Variants in ABCB11 observed in about 807,000 individuals in gnomAD.
ABCB11 encodes bile salt export pump.
In ABCB11, 95 loss-of-function variants were observed where a neutral mutation model predicts 148.0. That is an observed-to-expected ratio of 0.64 (90% CI 0.54 to 0.76). The LOEUF is 0.76. Among genes scored for constraint, ABCB11 ranks in the 30% least tolerant of loss-of-function variants. The pLI, the probability that ABCB11 is intolerant of heterozygous loss-of-function variation, is 0.00. For synonymous variants in ABCB11, 591 were observed against 555.4 expected, an observed-to-expected ratio of 1.06 and a Z score of -0.90; for missense variants, 1,523 against 1,617.8, an observed-to-expected ratio of 0.94 and a Z score of 1.01.
intron 9 of ABCB11, 151 bp downstream of exon 9, chr2:168,990,650 C>G: frequency 1.1e-6 from 1 of 948,776 alleles, no homozygotes; most frequent in East Asian, 2.5e-5. Context: ...AATTACCAAC[C>G]TAAATTACTC....
In ABCB11 at chr2:168,959,159, T is replaced by C. The variant is rs186460054; in HGVS notation, c.2179-1031A>G. Among the ~76,000 whole-genome samples the C allele has an allele frequency of 5.9e-5, 9 of 151,834 alleles. No homozygotes were observed. The East Asian group carries it at 1.8e-3, about 30-fold the overall frequency. Reference sequence around the variant, plus strand: ...CATTCATTTTAAATGAAAGTCTGTGTCATGTCCATTTCATTACAGTTGCAA... The same window carrying C: ...CATTCATTTTAAATGAAAGTCTGTGCCATGTCCATTTCATTACAGTTGCAA... On this transcript the variant is annotated intron_variant, in intron 18 of 27. Coordinates refer to ENST00000650372, the MANE Select transcript of ABCB11 (RefSeq NM_003742.4).
intron 19 of ABCB11, among the ~76,000 whole-genome samples, chr2:168,957,679 A>G (rs1692858627): frequency 6.6e-6 from 1 of 151,690 alleles, no homozygotes; most frequent in Non-Finnish European, 1.5e-5. Context: ...GATATACATT[A>G]CTAGAAAAAT....
chr2:168,948,164 T>C (rs1219235159), intron 19 of ABCB11, among the ~76,000 whole-genome samples: 1 of 151,618 alleles, frequency 6.6e-6, no homozygotes, highest in Non-Finnish European at 1.5e-5. Context: ...ATATGCACAG[T>C]TTAGGTGGAG....
chr2:169,010,115 C>T (rs1695137565), intron 5 of ABCB11, among the ~76,000 whole-genome samples: 1 of 152,146 alleles, frequency 6.6e-6, no homozygotes, highest in African/African-American at 2.4e-5. Context: ...TAGACTCCTT[C>T]CAAATTACAC....
At position 169,029,722 on chromosome 2, in the gene ABCB11, CTCTTTTTTT is replaced by C. The variant is rs1361529175; in HGVS notation, c.-28+1494_-28+1502del. ...TTGTCTCTAAATGTACAGTTCTTTC[CTCTTTTTTT>C]TTTTTTTTTTTTTTTTTTTTTGAGA... On this transcript the variant is annotated intron_variant, in intron 1 of 27. Coordinates refer to ENST00000650372, the MANE Select transcript of ABCB11 (RefSeq NM_003742.4). Among the ~76,000 whole-genome samples, 4 of 114,124 alleles carry C rather than the reference CTCTTTTTTT, an allele frequency of 3.5e-5. 1 individual carries two copies. The highest frequency in any genetic ancestry group is 5.0e-5 in the Non-Finnish European group (3 of 60,088). The allele number at this position is 114,124 out of a possible 152,430, so 74.9% of individuals were successfully genotyped here. A position where few individuals can be genotyped will look rare whatever the true frequency, so the allele number is the denominator to read the frequency against.
At chr2:168,972,564 A>C (rs1340140076) in intron 13 of ABCB11, among the ~76,000 whole-genome samples, 1 of 152,036 alleles carries the variant, frequency 6.6e-6, no homozygotes, top group Non-Finnish European at 1.5e-5. Flanking sequence ...AAAATGTAAA[A>C]ATCTTACATC....
intron 1 of ABCB11, among the ~76,000 whole-genome samples, chr2:169,027,414 T>C (rs1483339468): frequency 6.6e-6 from 1 of 152,254 alleles, no homozygotes; most frequent in Non-Finnish European, 1.5e-5. Flanking sequence ...TGTTTAACTA[T>C]TCAGGGTTGA....
At position 168,932,412 on chromosome 2, in the gene ABCB11, G is replaced by A. The variant is rs755717909; in HGVS notation, c.3178C>T (p.Pro1060Ser). The A allele has an allele frequency of 2.8e-5, 45 of 1,582,014 alleles. No individual in the cohort carries two copies. The highest frequency in any genetic ancestry group is 4.3e-6 in the Non-Finnish European group (5 of 1,163,408). ...CCTGCAGTATTGTATACACTGATTG[G>A]GGGTTGTCGGTCCAGCAGTTGAAAA... is the stretch of plus-strand genomic sequence containing the variant. ...RFFQLLDRQPPISVYNTAGEK... is the reference protein window; with the variant it reads ...RFFQLLDRQPSISVYNTAGEK... The change falls in exon 24 of 28, where the codon CCA becomes TCA. Residue 1060 changes from proline to serine, a missense_variant. Coordinates refer to ENST00000650372, the MANE Select transcript of ABCB11 (RefSeq NM_003742.4).
At chr2:169,013,961 G>A (rs902905674) in intron 4 of ABCB11, among the ~76,000 whole-genome samples, 7 of 151,998 alleles carry the variant, frequency 4.6e-5, no homozygotes, top group African/African-American at 1.5e-4. Context: ...GAGAAAATTT[G>A]GAGTAAACAC....
At chr2:169,029,898 GC>G (rs1695814153) in intron 1 of ABCB11, among the ~76,000 whole-genome samples, 1 of 145,868 alleles carries the variant, frequency 6.9e-6, no homozygotes, top group Non-Finnish European at 1.5e-5. Context: ...CCGCCACCGC[GC>G]CCGGCTAATT....
At chr2:168,964,086 C>G in intron 18 of ABCB11, 120 bp downstream of exon 18, 2 of 641,626 alleles carry the variant, frequency 3.1e-6, no homozygotes, top group Non-Finnish European at 5.3e-6. Flanking sequence ...GTCTTTTAGT[C>G]TGACTTGAAA....
At position 168,958,048 on chromosome 2, in the gene ABCB11, G is replaced by A. The variant is rs781158755; in HGVS notation, c.2259C>T (p.Pro753=). Residue 753 remains proline (P), a synonymous_variant, in exon 19 of 28, where the codon CCC becomes CCT. Transcript: ENST00000650372. ...RILKFSAPEW[P]YMLVGSVGAA... ...CACCCACAGACCCTACCAGCATGTAGGGCCATTCTGGAGCACTGAATTTCA... is the reference window on the plus strand; with the variant it reads ...CACCCACAGACCCTACCAGCATGTAAGGCCATTCTGGAGCACTGAATTTCA... The A allele has an allele frequency of 1.2e-6, 2 of 1,611,238 alleles. No individual in the cohort carries two copies. The highest frequency in any genetic ancestry group is 2.2e-5 in the East Asian group (1 of 44,738).
intron 6 of ABCB11, 131 bp from the exon 7 acceptor site, chr2:168,995,613 TG>T: frequency 1.0e-6 from 1 of 970,778 alleles, no homozygotes; most frequent in Admixed American, 2.9e-5. Context: ...TGCCTCTTCT[TG>T]GGAACTAAGA....
chr2:169,018,036 A>G lies in ABCB11; in HGVS notation c.76+14T>C. ...TCCTTGTACAAGATGCAGTGAGGGA[A>G]AAAAGCCACTCACATGATTTATCTG... On this transcript the variant is annotated intron_variant, in intron 2 of 27. Coordinates refer to ENST00000650372, the MANE Select transcript of ABCB11 (RefSeq NM_003742.4). 1 of 1,606,056 alleles carries G rather than the reference A, an allele frequency of 6.2e-7. No individual in the cohort carries two copies. Among genetic ancestry groups the G allele is most frequent in the Non-Finnish European group, 8.5e-7 (1 of 1,172,838 alleles).
chr2:168,955,863 G>T (rs1029313573), intron 19 of ABCB11, among the ~76,000 whole-genome samples: 15 of 151,568 alleles, frequency 9.9e-5, no homozygotes, highest in African/African-American at 3.6e-4. Context: ...AAATCCTTCT[G>T]TTCTAAAAGG....
At chr2:168,968,868 G>A (rs1263709202) in intron 16 of ABCB11, among the ~76,000 whole-genome samples, 3 of 151,742 alleles carry the variant, frequency 2.0e-5, no homozygotes, top group Admixed American at 6.6e-5. Flanking sequence ...GTATATAGTA[G>A]TTACACCTAA....
At chr2:168,982,564 T>C (rs1694167420) in intron 10 of ABCB11, among the ~76,000 whole-genome samples, 1 of 152,180 alleles carries the variant, frequency 6.6e-6, no homozygotes, top group Admixed American at 6.5e-5. Context: ...TTTTTCTCTG[T>C]GCACAAGTGA....
chr2:169,002,201 C>T lies in ABCB11; in HGVS notation c.390-5479G>A, dbSNP rs113398242. 5.3e-3 allele frequency among the ~76,000 whole-genome samples: 805 copies of T among 152,026 alleles called. 6 individuals carry two copies. Among genetic ancestry groups the T allele is most frequent in the African/African-American group, 0.018 (729 of 41,444 alleles). On this transcript the variant is annotated intron_variant, in intron 5 of 27. Coordinates refer to ENST00000650372, the MANE Select transcript of ABCB11 (RefSeq NM_003742.4). ...TGTAAAGATAAAAGGGTCAATCCAT[C>T]GTGAAGTGATAACATTTATGGAGAT...
At position 168,951,737 on chromosome 2, in the gene ABCB11, AT is replaced by A. The variant is rs1238742028; in HGVS notation, c.2343+6226del. 5.0e-4 allele frequency among the ~76,000 whole-genome samples: 76 copies of A among 151,136 alleles called. 1 individual carries two copies. The highest frequency in any genetic ancestry group is 1.1e-3 in the African/African-American group (46 of 41,334). On this transcript the variant is annotated intron_variant, in intron 19 of 27. Transcript: ENST00000650372. ...CTCTTTTCTAATTTGCATGCCTTTT[AT>A]TTTTTTTCTCTTGCCTGATTGCTCT... is the stretch of plus-strand genomic sequence containing the variant.
Sources: allele counts gnomAD v4.1 joint callset (sites outside exome capture counted in the v4.1 genomes callset), GRCh38; gene constraint gnomAD v4.1.1; transcripts MANE v1.5; gene names NCBI Gene and HGNC (gene_info 2026-07-23, HGNC 2026-07-21).